The following TTC23L variants were observed in gnomAD, a reference collection of about 807,000 sequenced individuals.
The protein encoded by TTC23L is tetratricopeptide repeat domain 23 like, also known as tetratricopeptide repeat protein 23-like.
TTC23L carries 42 observed loss-of-function variants against 48.1 expected under a neutral mutation model. The ratio of observed to expected loss-of-function variants is 0.87; its 90% CI spans 0.68 to 1.13. TTC23L has a LOEUF of 1.13. TTC23L is among the 50% of genes most tolerant of loss of function. The pLI is 0.00. For missense variants in TTC23L, 391 were observed against 421.0 expected (o/e 0.93, Z 0.62); for synonymous variants, 159 against 157.2 (o/e 1.01, Z -0.09).
chr5:34,874,838 T>A (rs12187266), intron 8 of TTC23L, among the ~76,000 whole-genome samples: 4 of 151,956 alleles, frequency 2.6e-5, no homozygotes, highest in Non-Finnish European at 4.4e-5. Context: ...AGTAACAATA[T>A]GGTAAATGTT....
chr5:34,862,707 A>G (rs1353868580), intron 4 of TTC23L, among the ~76,000 whole-genome samples, 191 bp from the exon 5 acceptor site: 1 of 152,138 alleles, frequency 6.6e-6, no homozygotes, highest in Non-Finnish European at 1.5e-5. Context: ...GTAGGTCTTG[A>G]GTGGGGCCCA....
At chr5:34,873,996 G>T (rs1761656178) in intron 8 of TTC23L, among the ~76,000 whole-genome samples, 1 of 152,166 alleles carries the variant, frequency 6.6e-6, no homozygotes, top group East Asian at 1.9e-4. Flanking sequence ...GAAACTTCTG[G>T]TTTCTGGTCT....
rs1006041595 is a variant in TTC23L, at chr5:34,868,921, T to C, written c.857T>C (p.Val286Ala). The stretch of plus-strand genomic sequence containing the variant: ...TTATTCCAGGCTCATTCTGTCTGTG[T>C]TTCTTTGTTCACTGAAGTCAGCCCC... Residue 286 changes from valine (V) to alanine (A), a missense_variant, in exon 8 of 11, where the codon GTT becomes GCT. By Grantham distance (64) the Val-to-Ala change is moderately conservative. Coordinates refer to ENST00000505624, the Ensembl canonical transcript of TTC23L. 1.9e-5 allele frequency: 30 copies of C among 1,608,746 alleles called. No homozygotes were observed. In the East Asian group the frequency reaches 6.3e-4, roughly 34 times the overall value.
At chr5:34,917,604 C>T in the TTC23L span, among the ~76,000 whole-genome samples, 1 of 152,120 alleles carries the variant, frequency 6.6e-6, no homozygotes, top group East Asian at 1.9e-4. Flanking sequence ...CGCGCCACTG[C>T]ACTCCAGCCT....
At chr5:34,904,144 T>TAA (rs923778206), downstream of TTC23L, among the ~76,000 whole-genome samples, 2 of 149,398 alleles carry the variant, frequency 1.3e-5, no homozygotes, top group African/African-American at 2.5e-5. Flanking sequence ...AAAAAAAAAA[T>TAA]TTTTTTTAGA....
intron 4 of TTC23L, among the ~76,000 whole-genome samples, chr5:34,856,644 CAG>C (rs1386412210): frequency 1.3e-5 from 2 of 152,032 alleles, no homozygotes; most frequent in Non-Finnish European, 2.9e-5. Context: ...GTGGAAGAAA[CAG>C]AAAGATTTGG....
the TTC23L span, chr5:34,916,747 CGT>C: frequency 2.0e-5 from 3 of 152,126 alleles, no homozygotes; most frequent in African/African-American, 4.8e-5. Context: ...TAAATGACCC[CGT>C]GTGGTGTGAT....
intron 8 of TTC23L, among the ~76,000 whole-genome samples, chr5:34,878,333 C>T (rs1278268383): frequency 6.6e-6 from 1 of 151,494 alleles, no homozygotes; most frequent in Non-Finnish European, 1.5e-5. Context: ...AGACCCATCT[C>T]AAAAAGAAAA....
chr5:34,863,205 C>G lies in TTC23L; in HGVS notation c.536+151C>G. On this transcript the variant is annotated intron_variant, in intron 5 of 10. Transcript: ENST00000505624. The surrounding 1 kb of genome is among the most constrained non-coding windows in gnomAD (Gnocchi z 4.1). ...CCCTCCATGAGCCTCTCCTCTCCAT[C>G]TAGAAGGGTGTGTATTCTCTTCCTA... 1 of 913,400 alleles carries G rather than the reference C, an allele frequency of 1.1e-6. No individual in the cohort carries two copies. Among genetic ancestry groups the G allele is most frequent in the South Asian group, 1.7e-5 (1 of 57,254 alleles). The allele number at this position is 913,400 out of a possible 1,614,324, so 56.6% of individuals were successfully genotyped here.
At position 34,894,725 on chromosome 5, in the gene TTC23L, C is replaced by T. The variant is rs115852558; in HGVS notation, c.1078-2045C>T. Among the ~76,000 whole-genome samples the T allele has an allele frequency of 4.1e-3, 625 of 152,220 alleles. 3 individuals carry two copies. Among genetic ancestry groups the T allele is most frequent in the African/African-American group, 0.015 (605 of 41,534 alleles). On this transcript the variant is annotated intron_variant, in intron 9 of 10. Transcript: ENST00000505624. ...TTTAGCTGTGAGATCTTGGACAAAT[C>T]GCTTTACTTCTCAGTTTCCTCATCC... is the stretch of plus-strand genomic sequence containing the variant.
chr5:34,905,022 G>A, the TTC23L span, among the ~76,000 whole-genome samples: 180 of 152,172 alleles, frequency 1.2e-3, no homozygotes, highest in African/African-American at 4.2e-3. Flanking sequence ...GCTGATTATC[G>A]AAATCTCTGG....
chr5:34,850,171 T>G lies in TTC23L; in HGVS notation c.256-14T>G, dbSNP rs759910588. 1 of 1,613,640 alleles carries G rather than the reference T, an allele frequency of 6.2e-7. No homozygotes were observed. The highest frequency in any genetic ancestry group is 2.2e-5 in the East Asian group (1 of 44,866). On this transcript the variant is annotated splice_polypyrimidine_tract_variant and intron_variant, in intron 3 of 10. Transcript: ENST00000505624. Reference sequence around the variant, plus strand: ...TTCCTTTCCAAAAAGTATAATCACTTCTGTACTCTACAGAATACTCAAGCA... The same window carrying G: ...TTCCTTTCCAAAAAGTATAATCACTGCTGTACTCTACAGAATACTCAAGCA...
intron 8 of TTC23L, among the ~76,000 whole-genome samples, chr5:34,875,567 C>G (rs1194930358): frequency 2.0e-5 from 3 of 151,988 alleles, no homozygotes; most frequent in African/African-American, 7.3e-5. Flanking sequence ...TTGTACCCAC[C>G]CAGATTAAGG....
chr5:34,910,291 G>T, the TTC23L span, among the ~76,000 whole-genome samples: 1 of 152,104 alleles, frequency 6.6e-6, no homozygotes, highest in South Asian at 2.1e-4. Context: ...CTGAAATACT[G>T]TTTTAAGTAC....
chr5:34,902,820 C>T (rs1482330047), downstream of TTC23L, among the ~76,000 whole-genome samples: 1 of 152,108 alleles, frequency 6.6e-6, no homozygotes, highest in Non-Finnish European at 1.5e-5. Context: ...GTCACTTGGC[C>T]TATCATTGTT....
chr5:34,858,547 C>CT (rs1760313942), intron 4 of TTC23L, among the ~76,000 whole-genome samples: 1 of 152,014 alleles, frequency 6.6e-6, no homozygotes, highest in South Asian at 2.1e-4. Flanking sequence ...CAAGAGACAG[C>CT]TCCCTTATCA....
intron 8 of TTC23L, among the ~76,000 whole-genome samples, chr5:34,877,859 A>T (rs1196280179): frequency 1.3e-5 from 2 of 152,212 alleles, no homozygotes; most frequent in African/African-American, 2.4e-5. Flanking sequence ...AGGAAATAAA[A>T]ACTATACTAT....
the TTC23L span, chr5:34,915,059 G>C: frequency 4.6e-6 from 3 of 652,746 alleles, no homozygotes; most frequent in Admixed American, 2.9e-5. Context: ...GGCTGAACAC[G>C]GCTGACCAGG....
intron 9 of TTC23L, among the ~76,000 whole-genome samples, chr5:34,894,105 A>C (rs1283018922): frequency 6.6e-6 from 1 of 152,160 alleles, no homozygotes; most frequent in Non-Finnish European, 1.5e-5. Flanking sequence ...TATGTTGGGA[A>C]AAGTTAATAG....
Sources: gnomAD v4.1 joint callset for allele counts (sites outside exome capture counted in the v4.1 genomes callset) on GRCh38, gnomAD v4.1.1 for gene constraint, Gnocchi (gnomAD v3.1) non-coding constraint, MANE v1.5 for transcripts, NCBI Gene and HGNC (gene_info 2026-07-23, HGNC 2026-07-21) for gene names.